Variants in ZMAT4 observed in about 807,000 individuals in gnomAD.
ZMAT4 encodes zinc finger matrin-type protein 4.
In ZMAT4, 17 loss-of-function variants were observed where a neutral mutation model predicts 28.7. That is an observed-to-expected ratio of 0.59 (90% CI 0.41 to 0.89). The LOEUF (loss-of-function observed/expected upper bound fraction) is 0.89. Among genes scored for constraint, ZMAT4 ranks in the 40% least tolerant of loss-of-function variants. The probability of loss-of-function intolerance (pLI) is 0.00; values close to 1 mark genes in which losing one functional copy is unlikely to be tolerated. For missense variants in ZMAT4, 240 were observed against 283.8 expected (o/e 0.85, Z 1.11); for synonymous variants, 117 against 109.2 (o/e 1.07, Z -0.44).
chr8:40,732,592 G>A (rs1237666300), intron 3 of ZMAT4, among the ~76,000 whole-genome samples: 2 of 152,250 alleles, frequency 1.3e-5, no homozygotes, highest in Non-Finnish European at 1.5e-5. Flanking sequence ...AGATGCCACA[G>A]GGGCAGAGGA....
intron 6 of ZMAT4, among the ~76,000 whole-genome samples, chr8:40,544,235 G>A (rs1321027642): frequency 1.3e-5 from 2 of 152,190 alleles, no homozygotes; most frequent in Admixed American, 6.6e-5. Context: ...TAAATTGAAG[G>A]AAGAATTGTT....
rs186295440 is a variant in ZMAT4 at position 40,828,479 on chromosome 8, G to C, written c.-4-2799C>G. ...TCAAGGTACGTGTCGGACCAAGCAG[G>C]CCCGTAGGAGTCTGAGTCTCGGTAA... On this transcript the variant is annotated intron_variant, in intron 1 of 6. Transcript: ENST00000297737. 4.8e-3 allele frequency among the ~76,000 whole-genome samples: 731 copies of C among 152,042 alleles called. 6 individuals are homozygous for C. Among genetic ancestry groups the C allele is most frequent in the South Asian group, 0.01 (50 of 4,792 alleles).
At chr8:40,600,682 C>A (rs899703133) in intron 5 of ZMAT4, among the ~76,000 whole-genome samples, 8 of 152,204 alleles carry the variant, frequency 5.3e-5, no homozygotes, top group South Asian at 4.1e-4. Flanking sequence ...AGGGCTCCAA[C>A]GGTCTAGAGT....
At chr8:40,675,291 T>G (rs1808863039) in intron 4 of ZMAT4, among the ~76,000 whole-genome samples, 1 of 152,156 alleles carries the variant, frequency 6.6e-6, no homozygotes. Context: ...GGAGTAGCTT[T>G]GAAAACACGG....
At chr8:40,575,231 G>A (rs947629952) in intron 6 of ZMAT4, among the ~76,000 whole-genome samples, 2 of 152,144 alleles carry the variant, frequency 1.3e-5, no homozygotes, top group Non-Finnish European at 2.9e-5. Context: ...ACTGGCTGGA[G>A]AAACAGCCTG....
chr8:40,691,891 T>C (rs1809681506), intron 4 of ZMAT4, among the ~76,000 whole-genome samples: 1 of 152,176 alleles, frequency 6.6e-6, no homozygotes, highest in South Asian at 2.1e-4. Flanking sequence ...TTGTGGCCTC[T>C]GGTATTTGGT....
At chr8:40,758,538 T>A (rs935181397) in intron 3 of ZMAT4, among the ~76,000 whole-genome samples, 1 of 152,230 alleles carries the variant, frequency 6.6e-6, no homozygotes, top group African/African-American at 2.4e-5. Flanking sequence ...ATTCCTTCCC[T>A]GAATATAGAT....
chr8:40,596,118 A>G (rs1012759379), intron 5 of ZMAT4, among the ~76,000 whole-genome samples: 1 of 152,054 alleles, frequency 6.6e-6, no homozygotes, highest in Non-Finnish European at 1.5e-5. Flanking sequence ...AACAAAAAAA[A>G]CCCCACAATA....
chr8:40,726,601 G>A (rs1003849433), intron 3 of ZMAT4, among the ~76,000 whole-genome samples: 3 of 152,126 alleles, frequency 2.0e-5, no homozygotes, highest in Admixed American at 2.0e-4. Context: ...TGTAATTTAG[G>A]TCAGAAGTCA....
intron 6 of ZMAT4, among the ~76,000 whole-genome samples, chr8:40,576,453 A>G (rs1210386549): frequency 6.6e-6 from 1 of 152,094 alleles, no homozygotes; most frequent in South Asian, 2.1e-4. Context: ...GGGAATCTCC[A>G]TCAGACTAAC....
At chr8:40,702,247 G>T (rs987286946) in intron 3 of ZMAT4, among the ~76,000 whole-genome samples, 1 of 152,130 alleles carries the variant, frequency 6.6e-6, no homozygotes, top group Non-Finnish European at 1.5e-5. Flanking sequence ...AAAGAATTAG[G>T]ACATCACTTT....
At chr8:40,589,446 T>C (rs1804778569) in intron 5 of ZMAT4, among the ~76,000 whole-genome samples, 2 of 152,200 alleles carry the variant, frequency 1.3e-5, no homozygotes, top group Non-Finnish European at 2.9e-5. Flanking sequence ...TCTGCCCACC[T>C]GACAAGTGAG....
intron 5 of ZMAT4, among the ~76,000 whole-genome samples, chr8:40,602,817 G>A (rs556704676): frequency 3.9e-5 from 6 of 152,222 alleles, no homozygotes; most frequent in Admixed American, 2.0e-4. Flanking sequence ...TTAGTCCTTC[G>A]TCAGATGCAT....
At chr8:40,813,803 C>A (rs1815423384) in intron 2 of ZMAT4, among the ~76,000 whole-genome samples, 1 of 152,140 alleles carries the variant, frequency 6.6e-6, no homozygotes, top group African/African-American at 2.4e-5. Flanking sequence ...GGAAATTTCC[C>A]AAATCAGAAC....
chr8:40,891,049 G>T (rs111647819), intron 1 of ZMAT4, among the ~76,000 whole-genome samples: 1 of 150,880 alleles, frequency 6.6e-6, no homozygotes, highest in African/African-American at 2.4e-5. Context: ...AATCGAGGGC[G>T]GGGGCTGGAT....
intron 5 of ZMAT4, among the ~76,000 whole-genome samples, chr8:40,607,737 C>T (rs1805647963): frequency 6.6e-6 from 1 of 152,124 alleles, no homozygotes; most frequent in Admixed American, 6.5e-5. Flanking sequence ...TGATGTGGTG[C>T]TCTCCCCATT....
intron 2 of ZMAT4, among the ~76,000 whole-genome samples, chr8:40,773,916 T>C (rs1256485122): frequency 2.0e-5 from 3 of 152,092 alleles, no homozygotes; most frequent in Non-Finnish European, 2.9e-5. Context: ...ATGGCTTTAA[T>C]GGCAGAATAA....
At chr8:40,755,505 T>G (rs1812641105) in intron 3 of ZMAT4, among the ~76,000 whole-genome samples, 1 of 152,078 alleles carries the variant, frequency 6.6e-6, no homozygotes. Context: ...CAGGCTGGAG[T>G]GCAATGGCCC....
intron 1 of ZMAT4, among the ~76,000 whole-genome samples, chr8:40,850,071 G>A (rs1052614275): frequency 5.9e-5 from 9 of 152,012 alleles, no homozygotes; most frequent in African/African-American, 9.7e-5. Flanking sequence ...GTATGTTACC[G>A]TCCTCAGGCA....
Sources: gnomAD v4.1 joint callset for allele counts (sites outside exome capture counted in the v4.1 genomes callset) on GRCh38, gnomAD v4.1.1 for gene constraint, MANE v1.5 for transcripts, NCBI Gene and HGNC (gene_info 2026-07-23, HGNC 2026-07-21) for gene names.